The following RNF111 variants were observed in gnomAD, a reference collection of about 807,000 sequenced individuals.
RNF111 encodes the protein ring finger protein 111.
In RNF111, 17 loss-of-function variants were observed where a neutral mutation model predicts 95.1. The observed-to-expected ratio is 0.18, with a 90% CI of 0.12 to 0.27. RNF111 has a LOEUF of 0.27. RNF111 is among the 10% of genes least tolerant of loss of function. RNF111 has a pLI of 1.00. For synonymous variants in RNF111, 440 were observed against 414.8 expected (o/e 1.06, Z -0.74); for missense variants, 1,189 against 1,210.4 (o/e 0.98, Z 0.26).
intron 10 of RNF111, among the ~76,000 whole-genome samples, chr15:59,087,764 G>A (rs1566945033): frequency 6.6e-6 from 1 of 152,144 alleles, no homozygotes; most frequent in Non-Finnish European, 1.5e-5. Flanking sequence ...AAATCTACAT[G>A]TAAGCAGACC....
intron 2 of RNF111, among the ~76,000 whole-genome samples, chr15:59,052,098 G>T (rs7183794): frequency 6.6e-6 from 1 of 152,092 alleles, no homozygotes; most frequent in Non-Finnish European, 1.5e-5. Context: ...AAGTAAACAT[G>T]CAAAGAAGTG....
chr15:59,066,417 C>G (rs1419603373), intron 5 of RNF111, among the ~76,000 whole-genome samples: 2 of 152,102 alleles, frequency 1.3e-5, no homozygotes, highest in Non-Finnish European at 2.9e-5. Context: ...TCAAGACCAG[C>G]CTGACCAACA....
In RNF111 at chr15:59,049,238, T is replaced by G. The variant is rs1206866705; in HGVS notation, c.881-3067T>G. ...CACTCTTCTTTCTGTTTCTACAAAT[T>G]TGACTACTTTAGATACTTCACATAA... On this transcript the variant is annotated intron_variant, in intron 2 of 13. Coordinates refer to ENST00000348370, the MANE Select transcript of RNF111 (RefSeq NM_017610.8). Among the ~76,000 whole-genome samples, 14 of 152,212 alleles carry G rather than the reference T, an allele frequency of 9.2e-5. 1 individual carries two copies. Among genetic ancestry groups the G allele is most frequent in the Admixed American group, 9.2e-4 (14 of 15,276 alleles).
At chr15:59,037,089 G>T (rs1412075390) in intron 2 of RNF111, among the ~76,000 whole-genome samples, 1 of 151,214 alleles carries the variant, frequency 6.6e-6, no homozygotes, top group African/African-American at 2.4e-5. Flanking sequence ...TGCCTGCCTC[G>T]GCCTCCCAAA....
chr15:59,053,105 C>G (rs1230791901), intron 3 of RNF111, among the ~76,000 whole-genome samples: 2 of 152,112 alleles, frequency 1.3e-5, no homozygotes, highest in Admixed American at 6.5e-5. Context: ...TGTGCTGTTA[C>G]TGTGTTAGGG....
At position 59,081,108 on chromosome 15, in the gene RNF111, C is replaced by T. The variant is rs1362788226; in HGVS notation, c.2121C>T (p.Pro707=). 2 of 1,613,962 alleles carry T rather than the reference C, an allele frequency of 1.2e-6. No individual in the cohort carries two copies. Among genetic ancestry groups the T allele is most frequent in the Admixed American group, 1.7e-5 (1 of 59,978 alleles). ...SSHATSHPVA[P]PPPTHLASTA... ...ATGCAACATCTCATCCTGTGGCACCCCCACCACCAACTCACTTAGCCAGTA... is the reference window on the plus strand; with the variant it reads ...ATGCAACATCTCATCCTGTGGCACCTCCACCACCAACTCACTTAGCCAGTA... The change falls in exon 8 of 14, where the codon CCC becomes CCT. Residue 707 remains proline (P), a synonymous_variant. Transcript: ENST00000348370.
intron 1 of RNF111, among the ~76,000 whole-genome samples, chr15:58,991,785 G>A (rs768213317): frequency 1.3e-5 from 2 of 152,202 alleles, no homozygotes; most frequent in Admixed American, 6.5e-5. Context: ...GATGTAGACA[G>A]ATTAAAATTA....
chr15:59,014,511 C>G (rs1355583563), intron 1 of RNF111, among the ~76,000 whole-genome samples: 1 of 152,110 alleles, frequency 6.6e-6, no homozygotes, highest in Admixed American at 6.5e-5. Flanking sequence ...GACTTTTCTG[C>G]TGTGGAATTA....
At chr15:59,068,146 G>T (rs1327110524) in intron 6 of RNF111, among the ~76,000 whole-genome samples, 1 of 151,392 alleles carries the variant, frequency 6.6e-6, no homozygotes, top group Non-Finnish European at 1.5e-5. Flanking sequence ...CTTGAACCCG[G>T]GAGGCTTAGG....
chr15:59,032,886 C>T (rs1452092171), intron 2 of RNF111, among the ~76,000 whole-genome samples: 1 of 152,146 alleles, frequency 6.6e-6, no homozygotes, highest in Non-Finnish European at 1.5e-5. Flanking sequence ...CTCATGCGTG[C>T]TGACTCTCTC....
chr15:59,030,861 C>T lies in RNF111; in HGVS notation c.39C>T (p.Thr13=). Residue 13 remains threonine, a synonymous_variant, in exon 2 of 14, where the codon ACC becomes ACT. Coordinates refer to ENST00000348370, the MANE Select transcript of RNF111 (RefSeq NM_017610.8). ...QWTPEYNELY[T]LKVDMKSEIP... is the part of the protein sequence containing the mutation. ...CTCCTGAATATAACGAGCTCTACAC[C>T]TTAAAAGTGGATATGAAGAGTGAGA... 6.2e-7 allele frequency: 1 copy of T among 1,613,730 alleles called. No homozygotes were observed.
chr15:59,072,826 T>TTTTGTTTG (rs561856564), intron 6 of RNF111, among the ~76,000 whole-genome samples: 1 of 151,772 alleles, frequency 6.6e-6, no homozygotes, highest in Admixed American at 6.6e-5. Context: ...TGCTGCAGTT[T>TTTTGTTTG]TTTGTTTGTT....
intron 6 of RNF111, among the ~76,000 whole-genome samples, chr15:59,073,643 CTGAAGTCTTGAACCCCTCAAAG>C (rs1314889023): frequency 6.6e-6 from 1 of 152,204 alleles, no homozygotes; most frequent in African/African-American, 2.4e-5. Context: ...ACTTCATCCA[CTGAAGTCTTGAACCCCTCAAAG>C]TGTGCATGAG....
chr15:59,064,460 C>A (rs146842281), intron 5 of RNF111, among the ~76,000 whole-genome samples: 1 of 143,054 alleles, frequency 7.0e-6, no homozygotes, highest in Non-Finnish European at 1.5e-5. Context: ...GGCGTGAACC[C>A]GGGAGGCAGA....
rs1194437880 is a variant in RNF111 at position 59,092,076 on chromosome 15, C to T, written c.2740-461C>T. Among the ~76,000 whole-genome samples, 5 of 152,264 alleles carry T rather than the reference C, an allele frequency of 3.3e-5. No individual in the cohort carries two copies. In the East Asian group the frequency reaches 9.6e-4, roughly 29 times the overall value. On this transcript the variant is annotated intron_variant, in intron 12 of 13. Coordinates refer to ENST00000348370, the MANE Select transcript of RNF111 (RefSeq NM_017610.8). ...ATCATAAAGTGTGAAAATTACTATT[C>T]TCTGTATTTTTCATCTATTTTCAAA...
At chr15:59,026,918 C>T (rs140221840) in intron 1 of RNF111, among the ~76,000 whole-genome samples, 8 of 152,278 alleles carry the variant, frequency 5.3e-5, no homozygotes, top group African/African-American at 1.9e-4. Context: ...AACCACCCCC[C>T]CTTGCTCTCC....
chr15:59,052,178 C>G (rs538681758), intron 2 of RNF111, 127 bp from the exon 3 acceptor site: 5 of 837,662 alleles, frequency 6.0e-6, no homozygotes, highest in Non-Finnish European at 7.0e-6. Context: ...TTTAAAAAAC[C>G]TTTTTGACAG....
chr15:59,074,569 T>C (rs112696327), intron 6 of RNF111, among the ~76,000 whole-genome samples: 10 of 152,344 alleles, frequency 6.6e-5, no homozygotes, highest in African/African-American at 2.4e-4. Context: ...TCCCTCAGCC[T>C]TCATAGAATT....
At chr15:58,997,664 A>G (rs1596028136) in intron 1 of RNF111, among the ~76,000 whole-genome samples, 2 of 151,724 alleles carry the variant, frequency 1.3e-5, no homozygotes, top group East Asian at 2.0e-4. Context: ...TAAAAATACA[A>G]AATTAGCAGG....
Sources: gnomAD v4.1 joint callset for allele counts (sites outside exome capture counted in the v4.1 genomes callset) on GRCh38, gnomAD v4.1.1 for gene constraint, MANE v1.5 for transcripts, NCBI Gene and HGNC (gene_info 2026-07-23, HGNC 2026-07-21) for gene names.